Variants in ZNF695 observed in about 807,000 individuals in gnomAD.
ZNF695 encodes zinc finger protein 695.
Under a neutral mutation model 11.2 loss-of-function variants are expected in ZNF695, and 11 were observed. The observed-to-expected ratio is 0.98, with a 90% CI of 0.62 to 1.62. The LOEUF (loss-of-function observed/expected upper bound fraction) is 1.62, where lower values mean the gene tolerates loss of function less well. ZNF695 is among the 40% of genes most tolerant of loss of function. ZNF695 has a pLI of 0.00. For missense variants in ZNF695, 559 were observed against 590.5 expected (o/e 0.95, Z 0.55); for synonymous variants, 190 against 201.4 (o/e 0.94, Z 0.48).
rs535052762 is a variant in ZNF695 at position 246,958,338 on chromosome 1, G to A, written c.488+9357C>T. On this transcript the variant is annotated intron_variant, in intron 5 of 5. Coordinates refer to the ZNF695 transcript ENST00000487338. ...CTCCCAAAGTGCTGGGATTACAGGCGTGAGCCACTGCACCCAGCCGGGACT... is the reference window on the plus strand; with the variant it reads ...CTCCCAAAGTGCTGGGATTACAGGCATGAGCCACTGCACCCAGCCGGGACT... Among the ~76,000 whole-genome samples the A allele has an allele frequency of 3.3e-5, 5 of 152,202 alleles. No individual in the cohort carries two copies. In the South Asian group the frequency reaches 6.2e-4, roughly 19 times the overall value.
chr1:246,960,781 A>G (rs1243734764), intron 5 of ZNF695, among the ~76,000 whole-genome samples: 1 of 152,022 alleles, frequency 6.6e-6, no homozygotes, highest in Non-Finnish European at 1.5e-5. Context: ...AAAAATATAA[A>G]AATTAGCTGG....
chr1:246,948,952 C>T (rs1017904956), intron 5 of ZNF695, among the ~76,000 whole-genome samples: 1 of 152,176 alleles, frequency 6.6e-6, no homozygotes, highest in African/African-American at 2.4e-5. Flanking sequence ...ATGTACAATA[C>T]CTAGAATACT....
chr1:246,988,916 C>A (rs1668938635), intron 3 of ZNF695, among the ~76,000 whole-genome samples: 1 of 151,792 alleles, frequency 6.6e-6, no homozygotes, highest in Admixed American at 6.6e-5. Context: ...CAGTGAAACC[C>A]CATCTCTACT....
At chr1:246,994,710 G>A (rs1004414459) in intron 3 of ZNF695, among the ~76,000 whole-genome samples, 2 of 151,812 alleles carry the variant, frequency 1.3e-5, no homozygotes, top group African/African-American at 4.8e-5. Flanking sequence ...GGTGGAGGGC[G>A]TCTGTAGTCC....
rs937136117 is a variant in ZNF695, at chr1:246,958,213, C to T, written c.488+9482G>A. On this transcript the variant is annotated intron_variant, in intron 5 of 5. Coordinates refer to the ZNF695 transcript ENST00000487338. ...ACCTGGGACTACAGGTGCACACCAC[C>T]ACGCCCGGCTAATTTTTTGTATTTT... 5.9e-5 allele frequency among the ~76,000 whole-genome samples: 9 copies of T among 152,162 alleles called. No individual in the cohort carries two copies. In the East Asian group the frequency reaches 1.2e-3, roughly 20 times the overall value.
intron 3 of ZNF695, among the ~76,000 whole-genome samples, chr1:246,997,211 G>T (rs1040683180): frequency 1.3e-4 from 19 of 151,982 alleles, no homozygotes; most frequent in African/African-American, 4.1e-4. Context: ...AATAAAGAAA[G>T]AAATAAAAAG....
chr1:246,971,260 G>A (rs116441634), intron 4 of ZNF695, among the ~76,000 whole-genome samples: 146 of 152,320 alleles, frequency 9.6e-4, no homozygotes, highest in Middle Eastern at 3.4e-3. Flanking sequence ...GCATTTCAAA[G>A]ACTTTAGTCT....
At chr1:246,990,777 A>G (rs1669008412) in intron 3 of ZNF695, among the ~76,000 whole-genome samples, 1 of 152,234 alleles carries the variant, frequency 6.6e-6, no homozygotes, top group African/African-American at 2.4e-5. Context: ...CTGTGACCTC[A>G]ATGGAATAAA....
intron 4 of ZNF695, among the ~76,000 whole-genome samples, chr1:246,973,013 T>C (rs937276568): frequency 1.3e-5 from 2 of 148,164 alleles, no homozygotes; most frequent in Admixed American, 1.4e-4. Flanking sequence ...AGAAGAGTAA[T>C]AGGAAATTTC....
At chr1:246,975,405 T>C (rs140623645) in intron 4 of ZNF695, among the ~76,000 whole-genome samples, 1 of 152,234 alleles carries the variant, frequency 6.6e-6, no homozygotes, top group Non-Finnish European at 1.5e-5. Flanking sequence ...AAAGGAAATA[T>C]GCAATCTATA....
At chr1:246,991,168 A>G (rs941849339) in intron 3 of ZNF695, among the ~76,000 whole-genome samples, 14 of 152,308 alleles carry the variant, frequency 9.2e-5, no homozygotes, top group Admixed American at 3.3e-4. Flanking sequence ...ACAAAAAATT[A>G]GTTTTTTGAA....
intron 3 of ZNF695, among the ~76,000 whole-genome samples, chr1:246,988,919 T>C (rs1449385838): frequency 6.6e-6 from 1 of 151,738 alleles, no homozygotes; most frequent in African/African-American, 2.4e-5. Flanking sequence ...TGAAACCCCA[T>C]CTCTACTAAA....
chr1:246,959,351 A>ATAT (rs1668105179), intron 5 of ZNF695, among the ~76,000 whole-genome samples: 6 of 126,746 alleles, frequency 4.7e-5, no homozygotes, highest in African/African-American at 9.0e-5. Flanking sequence ...ATATATATAT[A>ATAT]AAATCTCTTT....
intron 1 of ZNF695, among the ~76,000 whole-genome samples, chr1:247,007,243 C>G (rs144422045): frequency 0.023 from 3,423 of 152,070 alleles, 50 homozygotes; most frequent in Middle Eastern, 0.038. Context: ...CGGTGGCTCA[C>G]GCCTGTAATC....
intron 4 of ZNF695, among the ~76,000 whole-genome samples, chr1:246,977,504 A>G (rs1622500): frequency 0.56 from 85,676 of 152,132 alleles, 26,340 homozygotes; most frequent in African/African-American, 0.82. Context: ...CACCCGCCTC[A>G]GCCTCCAAAA....
chr1:246,998,059 T>C (rs1373582508), intron 3 of ZNF695, among the ~76,000 whole-genome samples: 1 of 152,220 alleles, frequency 6.6e-6, no homozygotes, highest in African/African-American at 2.4e-5. Context: ...AAACTAACCA[T>C]GTGAAGTGAC....
rs747785057 is a variant in ZNF695 at position 246,989,562 on chromosome 1, A to AGAG, written c.260-1308_260-1307insCTC. ...CTAAAGGAACATAGACAGGAAAGAAAGAAGACCACTAAACAACCAGTAAAC... is the reference window on the plus strand; with the variant it reads ...CTAAAGGAACATAGACAGGAAAGAAAGAGGAAGACCACTAAACAACCAGTAAAC... On this transcript the variant is annotated intron_variant, in intron 3 of 3. Coordinates refer to ENST00000339986, the MANE Select transcript of ZNF695 (RefSeq NM_020394.5). 4.1e-4 allele frequency among the ~76,000 whole-genome samples: 62 copies of AGAG among 151,886 alleles called. 1 individual carries two copies. Among genetic ancestry groups the AGAG allele is most frequent in the East Asian group, 9.7e-4 (5 of 5,174 alleles).
rs1668833532 is a variant in ZNF695, at chr1:246,985,893, C to T, written c.*1074G>A. On this transcript the variant is annotated 3_prime_UTR_variant, in exon 4 of 4. Transcript: ENST00000339986. Reference sequence around the variant, plus strand: ...AAGAAAAGGATATGAACAACACCCACCCGAATATAGAAGAAACTCTCACAG... The same window carrying T: ...AAGAAAAGGATATGAACAACACCCATCCGAATATAGAAGAAACTCTCACAG... The T allele has an allele frequency of 1.0e-6, 1 of 985,242 alleles. No homozygotes were observed. The highest frequency in any genetic ancestry group is 6.2e-5 in the Admixed American group (1 of 16,256). 61.0% of individuals were successfully genotyped at this position (985,242 alleles called of 1,614,324 possible). A position where few individuals can be genotyped will look rare whatever the true frequency, so the allele number is the denominator to read the frequency against.
intron 3 of ZNF695, among the ~76,000 whole-genome samples, chr1:246,997,578 A>G (rs1263876437): frequency 6.6e-6 from 1 of 152,172 alleles, no homozygotes; most frequent in Non-Finnish European, 1.5e-5. Context: ...TAAAATCAAT[A>G]GAAATAAAAT....
Sources: gnomAD v4.1 joint callset for allele counts (sites outside exome capture counted in the v4.1 genomes callset) on GRCh38, gnomAD v4.1.1 for gene constraint, MANE v1.5 for transcripts, NCBI Gene and HGNC (gene_info 2026-07-23, HGNC 2026-07-21) for gene names.